Variants in RBFOX1 observed in about 807,000 individuals in gnomAD.
The protein encoded by RBFOX1 is RNA binding protein fox-1 homolog 1.
RBFOX1 carries 8 observed loss-of-function variants against 57.7 expected under a neutral mutation model. That is an observed-to-expected ratio of 0.14 (90% CI 0.08 to 0.25). The LOEUF is 0.25. Ranked by LOEUF, RBFOX1 falls within the 10% of genes least tolerant of loss-of-function variation. RBFOX1 has a pLI of 1.00. For missense variants in RBFOX1, 611 were observed against 548.5 expected, an observed-to-expected ratio of 1.11 and a Z score of -1.14; for synonymous variants, 326 against 222.4, an observed-to-expected ratio of 1.47 and a Z score of -4.15.
At chr16:5,701,461 T>C (rs2051044901) in intron 3 of RBFOX1, among the ~76,000 whole-genome samples, 1 of 133,858 alleles carries the variant, frequency 7.5e-6, no homozygotes, top group African/African-American at 2.5e-5. Flanking sequence ...TTCCTCCATG[T>C]ACAAAGGATG....
chr16:5,647,237 C>T (rs1047155214), intron 3 of RBFOX1, among the ~76,000 whole-genome samples: 3 of 152,116 alleles, frequency 2.0e-5, no homozygotes, highest in Non-Finnish European at 4.4e-5. Flanking sequence ...AGTGAGGCAA[C>T]AGGAGGTGAG....
chr16:6,607,993 G>C (rs1332662309), intron 2 of RBFOX1, among the ~76,000 whole-genome samples: 1 of 152,160 alleles, frequency 6.6e-6, no homozygotes, highest in Non-Finnish European at 1.5e-5. Context: ...TTACTGGGAA[G>C]GCTTTGGTAG....
intron 1 of RBFOX1, among the ~76,000 whole-genome samples, chr16:6,188,604 C>T (rs1167673152): frequency 6.6e-6 from 1 of 152,102 alleles, no homozygotes; most frequent in African/African-American, 2.4e-5. Context: ...TTTCTGCTAA[C>T]TCCTTGTTTC....
At chr16:6,509,572 C>G (rs955733197) in intron 2 of RBFOX1, among the ~76,000 whole-genome samples, 1 of 152,072 alleles carries the variant, frequency 6.6e-6, no homozygotes, top group Non-Finnish European at 1.5e-5. Flanking sequence ...GGGGCTGGTT[C>G]ATGGGAACAA....
At chr16:5,570,819 A>G (rs11645074) in intron 2 of RBFOX1, among the ~76,000 whole-genome samples, 53,792 of 145,700 alleles carry the variant, frequency 0.37, 11,204 homozygotes, top group East Asian at 0.54. Context: ...CAGTCTGGGC[A>G]ACAGAGTGAA....
intron 14 of RBFOX1, among the ~76,000 whole-genome samples, chr16:7,680,735 T>A (rs2074513548): frequency 6.6e-6 from 1 of 152,222 alleles, no homozygotes; most frequent in Non-Finnish European, 1.5e-5. Flanking sequence ...CCTTAAAGTT[T>A]CACTGCTAAT....
chr16:6,867,481 G>T (rs116957955), intron 3 of RBFOX1, among the ~76,000 whole-genome samples: 1 of 152,024 alleles, frequency 6.6e-6, no homozygotes, highest in Non-Finnish European at 1.5e-5. Flanking sequence ...CACTTTGGGG[G>T]GCCGAGACAG....
At chr16:5,734,096 C>T (rs1368995098) in intron 3 of RBFOX1, among the ~76,000 whole-genome samples, 1 of 152,166 alleles carries the variant, frequency 6.6e-6, no homozygotes, top group East Asian at 1.9e-4. Flanking sequence ...AAACTCCATC[C>T]TTACGCCCTA....
At chr16:5,891,994 G>A (rs1029806574) in intron 4 of RBFOX1, among the ~76,000 whole-genome samples, 7 of 152,182 alleles carry the variant, frequency 4.6e-5, no homozygotes, top group South Asian at 4.1e-4. Context: ...GCTGGGTATC[G>A]GGGAGAGGGT....
At chr16:7,009,730 A>G (rs1198242451) in intron 3 of RBFOX1, among the ~76,000 whole-genome samples, 1 of 152,210 alleles carries the variant, frequency 6.6e-6, no homozygotes, top group African/African-American at 2.4e-5. Context: ...TCAGCCTGAT[A>G]CCACAGTAGT....
intron 1 of RBFOX1, among the ~76,000 whole-genome samples, chr16:5,323,718 A>G (rs191529537): frequency 3.7e-4 from 56 of 152,364 alleles, no homozygotes; most frequent in African/African-American, 1.3e-3. Flanking sequence ...GAGCTCTGGC[A>G]TTTCTTGAAT....
intron 2 of RBFOX1, among the ~76,000 whole-genome samples, chr16:6,365,280 G>A (rs1289397284): frequency 6.6e-6 from 1 of 151,650 alleles, no homozygotes; most frequent in Non-Finnish European, 1.5e-5. Context: ...GGATGGATGA[G>A]TAGGTGGATG....
chr16:6,920,917 T>C (rs2074318050), intron 3 of RBFOX1, among the ~76,000 whole-genome samples: 1 of 152,200 alleles, frequency 6.6e-6, no homozygotes. Context: ...GACTTGGACA[T>C]AGGTTTTTGC....
chr16:7,651,982 T>C (rs1367870932), intron 11 of RBFOX1, among the ~76,000 whole-genome samples: 1 of 151,934 alleles, frequency 6.6e-6, no homozygotes, highest in African/African-American at 2.4e-5. Flanking sequence ...TTGCTGACTC[T>C]GTGGGCCCTG....
chr16:7,455,974 C>A (rs535526794), intron 4 of RBFOX1, among the ~76,000 whole-genome samples: 5 of 152,214 alleles, frequency 3.3e-5, no homozygotes, highest in Non-Finnish European at 7.4e-5. Flanking sequence ...CAAGTTCAAT[C>A]CCTTTTATTA....
Position 7,100,018 on chromosome 16 carries a change from T to C in RBFOX1, c.27+47920T>C, listed in dbSNP as rs921440388. Reference sequence around the variant, plus strand: ...TGAACCAGTCTTTCAGGTTAAACTTTAGATTGCCCTGGTCGAGGAGGGGGT... The same window carrying C: ...TGAACCAGTCTTTCAGGTTAAACTTCAGATTGCCCTGGTCGAGGAGGGGGT... On this transcript the variant is annotated intron_variant, in intron 4 of 15. Transcript: ENST00000550418. 2.6e-5 allele frequency among the ~76,000 whole-genome samples: 4 copies of C among 151,960 alleles called. No individual in the cohort carries two copies. In the South Asian group the frequency reaches 8.3e-4, roughly 32 times the overall value.
Position 7,050,758 on chromosome 16 carries a change from T to TTAATTTTTCCA in RBFOX1, c.-15-1297_-15-1287dup, listed in dbSNP as rs1568544846. Among the ~76,000 whole-genome samples the TTAATTTTTCCA allele has an allele frequency of 2.4e-4, 37 of 152,244 alleles. 1 individual carries two copies. On this transcript the variant is annotated intron_variant, in intron 3 of 15. Transcript: ENST00000550418. Reference sequence around the variant, plus strand: ...CCATACTATCAGTATACTATATTTTTTAATTTTTCCATTATCACACATAAT... The same window carrying TTAATTTTTCCA: ...CCATACTATCAGTATACTATATTTTTTAATTTTTCCATAATTTTTCCATTATCACACATAAT...
At chr16:7,161,925 G>A (rs1247440200) in intron 4 of RBFOX1, among the ~76,000 whole-genome samples, 1 of 152,188 alleles carries the variant, frequency 6.6e-6, no homozygotes, top group East Asian at 1.9e-4. Flanking sequence ...ACACTCAAAG[G>A]TTTTGGGGTT....
At chr16:7,344,001 C>G (rs865853362) in intron 4 of RBFOX1, among the ~76,000 whole-genome samples, 3 of 151,934 alleles carry the variant, frequency 2.0e-5, no homozygotes, top group Non-Finnish European at 2.9e-5. Flanking sequence ...AAATAATAGC[C>G]TCAATCTTGA....
Sources: gnomAD v4.1 joint callset for allele counts (sites outside exome capture counted in the v4.1 genomes callset) on GRCh38, gnomAD v4.1.1 for gene constraint, MANE v1.5 for transcripts, NCBI Gene and HGNC (gene_info 2026-07-23, HGNC 2026-07-21) for gene names.